SETSIP: variants seen among roughly 807,000 people sequenced by gnomAD.
The protein encoded by SETSIP is SET like protein.
In SETSIP, 15 loss-of-function variants were observed where a neutral mutation model predicts 21.9. The ratio of observed to expected loss-of-function variants is 0.69; its 90% CI spans 0.46 to 1.06. SETSIP has a LOEUF of 1.06. Ranked by LOEUF, SETSIP falls within the 50% of genes least tolerant of loss-of-function variation. The pLI, the probability that SETSIP is intolerant of heterozygous loss-of-function variation, is 0.00. For synonymous variants in SETSIP, 101 were observed against 121.2 expected (o/e 0.83, Z 1.09); for missense variants, 310 against 337.4 (o/e 0.92, Z 0.64).
At chr1:92,074,900 A>G in exon 1 of SETSIP, 1 of 1,611,614 alleles carries the variant, frequency 6.2e-7, no homozygotes, top group Non-Finnish European at 8.5e-7. Flanking sequence ...TTTCCATTTG[A>G]TTTTGGTGGA....
exon 1 of SETSIP, chr1:92,074,930 C>T: frequency 6.2e-7 from 1 of 1,611,774 alleles, no homozygotes. Context: ...TGGATCACCA[C>T]TCTCATTCAG....
chr1:92,074,863 T>C, exon 1 of SETSIP: 2 of 1,611,564 alleles, frequency 1.2e-6, no homozygotes, highest in South Asian at 1.1e-5. Context: ...GCGTTTGACT[T>C]GAACGTTTCG....
chr1:92,075,016 T>C (rs1019976513), exon 1 of SETSIP: 8 of 1,611,698 alleles, frequency 5.0e-6, no homozygotes, highest in African/African-American at 1.3e-5. Flanking sequence ...TGTAACCTGA[T>C]TTAATATCTT....
At chr1:92,074,978 G>A (rs892916350) in exon 1 of SETSIP, 41 of 1,611,336 alleles carry the variant, frequency 2.5e-5, no homozygotes, top group Non-Finnish European at 3.3e-5. Context: ...TTCAAAGTAA[G>A]GATTTTCATC....
In SETSIP at chr1:92,074,970, C is replaced by CAA. The variant is rs1647807580; in HGVS notation, c.440_441dup (p.Glu148LeufsTer12). ...AATTCTTTGGAGAAAACTTTATTTT[C>CAA]AAAGTAAGGATTTTCATCAAAATAA... On this transcript the variant is annotated frameshift_variant, in exon 1 of 1. Transcript: ENST00000596516. LOFTEE classifies it high-confidence loss of function. The CAA allele has an allele frequency of 6.2e-7, 1 of 1,611,242 alleles. No homozygotes were observed. Among genetic ancestry groups the CAA allele is most frequent in the African/African-American group, 1.3e-5 (1 of 74,764 alleles).
exon 1 of SETSIP, chr1:92,075,023 T>C: frequency 1.9e-6 from 3 of 1,611,864 alleles, no homozygotes; most frequent in East Asian, 2.2e-5. Context: ...TGATTTAATA[T>C]CTTCAAATTC....
Position 92,075,081 on chromosome 1 carries a change from C to A in SETSIP, c.331G>T (p.Glu111Ter), listed in dbSNP as rs1420933658. 11 of 1,611,780 alleles carry A rather than the reference C, an allele frequency of 6.8e-6. No homozygotes were observed. Among genetic ancestry groups the A allele is most frequent in the Non-Finnish European group, 9.3e-6 (11 of 1,179,850 alleles). ...TAATGCAGTGCCTCTTCGTCCTCCT[C>A]CCCAAGCAGTGAAGACACTTGTGGA... Residue 111 changes from glutamate (E) to a stop codon, truncating the protein, a stop_gained, in exon 1 of 1, where the codon GAG (glutamate) becomes TAG (stop). Coordinates refer to ENST00000596516, the Ensembl canonical transcript of SETSIP. LOFTEE classifies it high-confidence loss of function.
At chr1:92,074,606 TCATCCC>T in exon 1 of SETSIP, 1 of 1,565,744 alleles carries the variant, frequency 6.4e-7, no homozygotes, top group Non-Finnish European at 8.6e-7. Flanking sequence ...ACCTTCATCC[TCATCCC>T]CTTCATCAAT....
At chr1:92,074,854 C>G in exon 1 of SETSIP, 1 of 1,611,520 alleles carries the variant, frequency 6.2e-7, no homozygotes, top group Non-Finnish European at 8.5e-7. Context: ...CTTTATTCTG[C>G]GTTTGACTTG....
chr1:92,074,881 C>T, exon 1 of SETSIP: 1 of 1,611,812 alleles, frequency 6.2e-7, no homozygotes, highest in Non-Finnish European at 8.5e-7. Context: ...TCGTCACATC[C>T]TTTCCAGATT....
At chr1:92,075,112 G>A (rs1647810489) in exon 1 of SETSIP, 2 of 1,611,840 alleles carry the variant, frequency 1.2e-6, no homozygotes, top group Non-Finnish European at 8.5e-7. Context: ...GTGGATGGTT[G>A]ACAAATGTTG....
rs971750925 is a variant in SETSIP, at chr1:92,074,706, G to A, written c.706C>T (p.Pro236Ser). 3 of 1,599,426 alleles carry A rather than the reference G, an allele frequency of 1.9e-6. No individual in the cohort carries two copies. The Admixed American group carries it at 5.2e-5, about 28-fold the overall frequency. ...CCTCCTTCTTCATCATCCATATCAG[G>A]AACCAAGTAATACTGTAATGGGTTT... Residue 236 changes from proline to serine, a missense_variant, in exon 1 of 1, where the codon CCT becomes TCT. Coordinates refer to ENST00000596516, the Ensembl canonical transcript of SETSIP.
exon 1 of SETSIP, chr1:92,075,150 T>A: frequency 6.2e-7 from 1 of 1,611,926 alleles, no homozygotes; most frequent in Non-Finnish European, 8.5e-7. Flanking sequence ...ATTTTGGCGA[T>A]CAATTCTGAC....
At chr1:92,074,860 A>T in exon 1 of SETSIP, 1 of 1,611,606 alleles carries the variant, frequency 6.2e-7, no homozygotes, top group Non-Finnish European at 8.5e-7. Flanking sequence ...TCTGCGTTTG[A>T]CTTGAACGTT....
chr1:92,074,545 T>A, exon 1 of SETSIP: 1 of 1,574,676 alleles, frequency 6.4e-7, no homozygotes, highest in Non-Finnish European at 8.6e-7. Context: ...AGTCATCTTC[T>A]CCTTCATCCT....
chr1:92,075,011 C>T (rs1570705091), exon 1 of SETSIP: 2 of 1,611,652 alleles, frequency 1.2e-6, no homozygotes, highest in East Asian at 4.5e-5. Context: ...TATTCTGTAA[C>T]CTGATTTAAT....
At chr1:92,075,175 T>C (rs1367207522) in exon 1 of SETSIP, 5 of 1,611,674 alleles carry the variant, frequency 3.1e-6, no homozygotes, top group East Asian at 2.2e-5. Flanking sequence ...TCTGAAAAAA[T>C]GGTTGGCGGA....
chr1:92,074,704 A>G (rs1172645762), exon 1 of SETSIP: 6 of 1,599,858 alleles, frequency 3.8e-6, no homozygotes, highest in Non-Finnish European at 8.5e-7. Context: ...CATCCATATC[A>G]GGAACCAAGT....
At chr1:92,074,611 C>A in exon 1 of SETSIP, 1 of 1,567,140 alleles carries the variant, frequency 6.4e-7, no homozygotes, top group East Asian at 2.2e-5. Flanking sequence ...CATCCTCATC[C>A]CCTTCATCAA....
Sources: gnomAD v4.1 joint callset for allele counts on GRCh38, gnomAD v4.1.1 for gene constraint, MANE v1.5 for transcripts, NCBI Gene and HGNC (gene_info 2026-07-23, HGNC 2026-07-21) for gene names.